The following PCDHA9 variants were observed in gnomAD, a reference collection of about 807,000 sequenced individuals.
The protein encoded by PCDHA9 is protocadherin alpha-9.
PCDHA9 carries 62 observed loss-of-function variants against 62.0 expected under a neutral mutation model. The observed-to-expected ratio is 1.00, with a 90% CI of 0.81 to 1.23. PCDHA9 has a LOEUF of 1.23. Ranked by LOEUF, PCDHA9 falls within the 50% of genes most tolerant of loss-of-function variation. The pLI is 0.00. For synonymous variants in PCDHA9, 557 were observed against 567.6 expected (o/e 0.98, Z 0.27); for missense variants, 1,205 against 1,249.8 (o/e 0.96, Z 0.54).
At chr5:140,951,403 G>A (rs62384504) in intron 1 of PCDHA9, among the ~76,000 whole-genome samples, 5,903 of 152,130 alleles carry the variant, frequency 0.039, 173 homozygotes, top group Non-Finnish European at 0.058. Flanking sequence ...AAGAAAAGAG[G>A]TTTAATTGGC....
intron 1 of PCDHA9, chr5:140,868,480 T>G (rs1562616906): frequency 6.6e-6 from 1 of 152,316 alleles, no homozygotes. Flanking sequence ...AAACTTCAAT[T>G]TTTTCTTTGA....
rs1554150747 is a variant in PCDHA9, at chr5:140,857,851, A to G, written c.2394+6962A>G. 5 of 1,597,646 alleles carry G rather than the reference A, an allele frequency of 3.1e-6. 1 individual carries two copies. Among genetic ancestry groups the G allele is most frequent in the Non-Finnish European group, 4.3e-6 (5 of 1,167,500 alleles). ...TGCGCGCAGTGGACGCTGACTCTGG[A>G]TACAACGCGTGGCTGTCGTATGAAT... On this transcript the variant is annotated intron_variant, in intron 1 of 3. Transcript: ENST00000532602.
intron 3 of PCDHA9, among the ~76,000 whole-genome samples, chr5:141,008,228 T>C (rs2098365726): frequency 1.3e-5 from 2 of 152,210 alleles, no homozygotes; most frequent in African/African-American, 4.8e-5. Context: ...GTTAGAAAAT[T>C]ACTGCTCAGG....
At chr5:140,899,032 A>G (rs1377878756) in intron 1 of PCDHA9, among the ~76,000 whole-genome samples, 2 of 151,890 alleles carry the variant, frequency 1.3e-5, no homozygotes, top group African/African-American at 4.8e-5. Context: ...ATTTTTGTAC[A>G]TTGATTTTGT....
chr5:141,006,567 C>T (rs2098278386), intron 3 of PCDHA9, among the ~76,000 whole-genome samples: 1 of 152,030 alleles, frequency 6.6e-6, no homozygotes, highest in Admixed American at 6.6e-5. Flanking sequence ...ACTCTGGCTA[C>T]TGTGTGGAGG....
At chr5:140,985,684 C>T (rs2097164164) in intron 3 of PCDHA9, among the ~76,000 whole-genome samples, 1 of 151,578 alleles carries the variant, frequency 6.6e-6, no homozygotes, top group Non-Finnish European at 1.5e-5. Flanking sequence ...CTGCCTTACG[C>T]TAATCCTCGT....
At chr5:140,925,826 G>T (rs1284588733) in intron 1 of PCDHA9, among the ~76,000 whole-genome samples, 3 of 152,066 alleles carry the variant, frequency 2.0e-5, no homozygotes, top group Non-Finnish European at 2.9e-5. Flanking sequence ...CTTCTTTGGG[G>T]ACGGGTCGTC....
In PCDHA9 at chr5:140,928,822, C is replaced by G. The variant is rs782187448; in HGVS notation, c.2395-50127C>G. ...GGTAGTGGTTCGGGACCATGGAGAC[C>G]CACCACTTTCCTCCTCTGTCACTCT... On this transcript the variant is annotated intron_variant, in intron 1 of 3. Coordinates refer to ENST00000532602, the MANE Select transcript of PCDHA9 (RefSeq NM_031857.2). 6 of 1,614,116 alleles carry G rather than the reference C, an allele frequency of 3.7e-6. No individual in the cohort carries two copies. The South Asian group carries it at 6.6e-5, about 18-fold the overall frequency.
intron 1 of PCDHA9, among the ~76,000 whole-genome samples, chr5:140,917,338 G>GGTGGGGGGGGGGGGGGGGGGC (rs2078134893): frequency 7.3e-6 from 1 of 137,894 alleles, no homozygotes; most frequent in Non-Finnish European, 1.6e-5. Flanking sequence ...GGAGGGGGGG[G>GGTGGGGGGGGGGGGGGGGGGC]ATGGTGTAGG....
rs1554144802 is a variant in PCDHA9, at chr5:140,850,697, T to G, written c.2202T>G (p.Pro734=). ...TGCCCACCGAGGGCGAGTGCGCGCC[T>G]GGCAAGCCGACGCTGGTGTGTTCTA... The part of the protein sequence containing the change: ...SAMPTEGECA[P]GKPTLVCSSA... Residue 734 remains proline (P), a synonymous_variant, in exon 1 of 4, where the codon CCT becomes CCG. Transcript: ENST00000532602. 18 of 1,596,928 alleles carry G rather than the reference T, an allele frequency of 1.1e-5. 1 individual carries two copies. The highest frequency in any genetic ancestry group is 3.4e-5 in the Admixed American group (2 of 59,142).
chr5:140,891,820 G>T (rs1341896388), intron 1 of PCDHA9, among the ~76,000 whole-genome samples: 3 of 152,102 alleles, frequency 2.0e-5, no homozygotes, highest in African/African-American at 7.2e-5. Context: ...TAAATTAACG[G>T]CACTGTAAAA....
chr5:140,966,928 C>T (rs782034487), intron 1 of PCDHA9: 1 of 1,603,332 alleles, frequency 6.2e-7, no homozygotes, highest in South Asian at 1.1e-5. Context: ...AGCAGGCACC[C>T]GGCGCGCTCG....
intron 1 of PCDHA9, among the ~76,000 whole-genome samples, chr5:140,950,301 T>G (rs1467140584): frequency 6.6e-6 from 1 of 152,076 alleles, no homozygotes; most frequent in Non-Finnish European, 1.5e-5. Context: ...AAACTTTACT[T>G]AGCAGTTTTT....
chr5:140,866,893 A>G (rs961620387), intron 1 of PCDHA9: 1 of 152,138 alleles, frequency 6.6e-6, no homozygotes, highest in Admixed American at 6.5e-5. Context: ...ATACCCAGAT[A>G]TTAGGCTGAT....
intron 1 of PCDHA9, among the ~76,000 whole-genome samples, chr5:140,960,717 T>G (rs367185): frequency 9.9e-5 from 3 of 30,264 alleles, no homozygotes; most frequent in African/African-American, 2.5e-4. Flanking sequence ...ATACTCATCT[T>G]ATTTTAGTCC....
At chr5:140,993,310 A>G (rs1013688133) in intron 3 of PCDHA9, among the ~76,000 whole-genome samples, 2 of 152,038 alleles carry the variant, frequency 1.3e-5, no homozygotes, top group African/African-American at 4.8e-5. Context: ...CTCCAGGATA[A>G]TACCTTCTAA....
chr5:140,864,096 T>C (rs1459291547), intron 1 of PCDHA9: 1 of 152,506 alleles, frequency 6.6e-6, no homozygotes, highest in Non-Finnish European at 1.5e-5. Flanking sequence ...TTGATAAGTA[T>C]AATGATAATA....
chr5:140,852,594 T>G (rs1554145952), intron 1 of PCDHA9: 2 of 893,746 alleles, frequency 2.2e-6, no homozygotes, highest in African/African-American at 3.6e-5. Flanking sequence ...TTTTTTTTTT[T>G]GTCATTTTCT....
At chr5:140,855,950 C>T in intron 1 of PCDHA9, 1 of 1,363,920 alleles carries the variant, frequency 7.3e-7, no homozygotes, top group Non-Finnish European at 1.0e-6. Flanking sequence ...TCAGCCATTT[C>T]GATAAAAAAT....
Sources: allele counts gnomAD v4.1 joint callset (sites outside exome capture counted in the v4.1 genomes callset), GRCh38; gene constraint gnomAD v4.1.1; transcripts MANE v1.5; gene names NCBI Gene and HGNC (gene_info 2026-07-23, HGNC 2026-07-21).